Variants in SPAG17 observed in about 807,000 individuals in gnomAD.
SPAG17 encodes the protein sperm associated antigen 17.
A neutral mutation model predicts 273.6 loss-of-function variants in SPAG17; 169 were observed. The ratio of observed to expected loss-of-function variants is 0.62; its 90% confidence interval spans 0.55 to 0.70. SPAG17 has a LOEUF of 0.70. Ranked by LOEUF, SPAG17 falls within the 30% of genes least tolerant of loss-of-function variation. The pLI is 0.00. For missense variants in SPAG17, 2,557 were observed against 2,627.8 expected, an observed-to-expected ratio of 0.97 and a Z score of 0.59; for synonymous variants, 825 against 873.2, an observed-to-expected ratio of 0.94 and a Z score of 0.97.
chr1:117,980,812 A>G (rs572876107), intron 43 of SPAG17, among the ~76,000 whole-genome samples: 1 of 152,320 alleles, frequency 6.6e-6, no homozygotes, highest in African/African-American at 2.4e-5. Context: ...TGCTAGTCCA[A>G]TAAGATTATG....
chr1:117,977,688 C>T (rs1051541716), intron 43 of SPAG17, among the ~76,000 whole-genome samples: 1 of 152,026 alleles, frequency 6.6e-6, no homozygotes, highest in Non-Finnish European at 1.5e-5. Flanking sequence ...TATTATTGTC[C>T]CTTATCTCAA....
At chr1:118,160,464 A>G (rs1659856802) in intron 1 of SPAG17, among the ~76,000 whole-genome samples, 2 of 152,228 alleles carry the variant, frequency 1.3e-5, no homozygotes, top group South Asian at 4.1e-4. Context: ...TAACCGACCA[A>G]TACTCATTCT....
intron 40 of SPAG17, 150 bp from the exon 41 acceptor site, chr1:117,984,932 C>G: frequency 1.6e-6 from 1 of 607,616 alleles, no homozygotes; most frequent in Non-Finnish European, 2.9e-6. Context: ...TTTTTGTCAA[C>G]TTGTTTTGGT....
intron 1 of SPAG17, among the ~76,000 whole-genome samples, chr1:118,161,607 G>C (rs974496251): frequency 6.6e-6 from 1 of 151,968 alleles, no homozygotes; most frequent in South Asian, 2.1e-4. Flanking sequence ...GCAGGATCTC[G>C]GCACACTGCA....
chr1:118,087,476 T>C (rs1255140147), intron 10 of SPAG17, among the ~76,000 whole-genome samples: 1 of 152,198 alleles, frequency 6.6e-6, no homozygotes, highest in Non-Finnish European at 1.5e-5. Context: ...GGGACAGATA[T>C]TATTTTCCAT....
intron 1 of SPAG17, among the ~76,000 whole-genome samples, chr1:118,155,171 T>G (rs1420154011): frequency 6.6e-6 from 1 of 152,088 alleles, no homozygotes; most frequent in Non-Finnish European, 1.5e-5. Context: ...TTTATTTACT[T>G]TACCAGTCTC....
In SPAG17 at chr1:117,990,917, G is replaced by T; in HGVS notation, c.5476-11C>A. The T allele has an allele frequency of 6.6e-7, 1 of 1,512,282 alleles. No homozygotes were observed. Among genetic ancestry groups the T allele is most frequent in the Non-Finnish European group, 9.1e-7 (1 of 1,104,246 alleles). 93.7% of individuals were successfully genotyped at this position (1,512,282 alleles called of 1,614,324 possible). On this transcript the variant is annotated splice_polypyrimidine_tract_variant and intron_variant, in intron 37 of 48. Coordinates refer to ENST00000336338, the MANE Select transcript of SPAG17 (RefSeq NM_206996.4). ...CATTTTAGGGAAAGACTGAAATGAA[G>T]ATAGAATTACTTATGATGATTATAT...
intron 48 of SPAG17, chr1:117,955,426 G>C: frequency 7.0e-7 from 1 of 1,420,608 alleles, no homozygotes. Context: ...TTATCTGAAC[G>C]GGAAATAAAT....
At chr1:118,107,609 C>G (rs1260591647) in intron 4 of SPAG17, among the ~76,000 whole-genome samples, 1 of 152,122 alleles carries the variant, frequency 6.6e-6, no homozygotes, top group East Asian at 1.9e-4. Context: ...ATCCTCCTAC[C>G]TCAGACTCCC....
chr1:118,160,143 G>A (rs575531488), intron 1 of SPAG17, among the ~76,000 whole-genome samples: 7 of 152,048 alleles, frequency 4.6e-5, no homozygotes, highest in Admixed American at 1.3e-4. Flanking sequence ...AGACTCACCC[G>A]CCCTAAAAGG....
intron 1 of SPAG17, among the ~76,000 whole-genome samples, chr1:118,160,922 G>T (rs1485522779): frequency 6.6e-6 from 1 of 152,070 alleles, no homozygotes; most frequent in Non-Finnish European, 1.5e-5. Context: ...GGAATGATGG[G>T]AATTTCTCCA....
chr1:118,079,490 T>C (rs1654363611), intron 15 of SPAG17, among the ~76,000 whole-genome samples: 1 of 152,046 alleles, frequency 6.6e-6, no homozygotes, highest in Non-Finnish European at 1.5e-5. Flanking sequence ...TAACCTTATA[T>C]AAAAGATTTA....
intron 46 of SPAG17, among the ~76,000 whole-genome samples, chr1:117,967,004 G>GC (rs1214546296): frequency 6.6e-6 from 1 of 152,098 alleles, no homozygotes; most frequent in Non-Finnish European, 1.5e-5. Context: ...TTAGGAAAAA[G>GC]CATAAGGAAG....
At chr1:118,162,668 G>A (rs556927594) in intron 1 of SPAG17, among the ~76,000 whole-genome samples, 1 of 150,936 alleles carries the variant, frequency 6.6e-6, no homozygotes, top group Non-Finnish European at 1.5e-5. Context: ...GGGTACCTAC[G>A]TTGCATGTGC....
chr1:117,974,487 C>T (rs75697527), intron 43 of SPAG17, among the ~76,000 whole-genome samples: 3,048 of 151,742 alleles, frequency 0.02, 60 homozygotes, highest in South Asian at 0.099. Flanking sequence ...TTATATAATA[C>T]AATACAACAT....
chr1:118,151,232 C>G lies in SPAG17; in HGVS notation c.225G>C (p.Gln75His). Residue 75 changes from glutamine to histidine, a missense_variant, in exon 2 of 49, where the codon CAG becomes CAC. By Grantham distance (24) the Gln-to-His change is conservative. Coordinates refer to ENST00000336338, the MANE Select transcript of SPAG17 (RefSeq NM_206996.4). ...TGAGGTAGGAAGGGACAGGTACCTG[C>G]TGGAGAATGTCTTGCCACGACACCA... ...FSMVSWQDILQQINEINTLVG... is the reference protein window; with the variant it reads ...FSMVSWQDILHQINEINTLVG... 6.3e-7 allele frequency: 1 copy of G among 1,577,310 alleles called. No individual in the cohort carries two copies. The highest frequency in any genetic ancestry group is 8.6e-7 in the Non-Finnish European group (1 of 1,158,208).
chr1:118,079,798 C>G (rs569600002), intron 15 of SPAG17, among the ~76,000 whole-genome samples: 28 of 152,166 alleles, frequency 1.8e-4, no homozygotes, highest in African/African-American at 6.0e-4. Context: ...TTTTGATACT[C>G]AGTTTTTCAT....
intron 13 of SPAG17, among the ~76,000 whole-genome samples, chr1:118,084,880 T>A (rs994904142): frequency 6.6e-6 from 1 of 152,234 alleles, no homozygotes; most frequent in Non-Finnish European, 1.5e-5. Context: ...AGCTTTCTTA[T>A]CTGAAAATAG....
chr1:117,991,787 A>G (rs1657113739), intron 36 of SPAG17, among the ~76,000 whole-genome samples: 2 of 152,204 alleles, frequency 1.3e-5, no homozygotes. Flanking sequence ...CCTGTTTCTA[A>G]CTGTGCACTT....
Sources: allele counts gnomAD v4.1 joint callset (sites outside exome capture counted in the v4.1 genomes callset), GRCh38; gene constraint gnomAD v4.1.1; transcripts MANE v1.5; gene names NCBI Gene and HGNC (gene_info 2026-07-23, HGNC 2026-07-21).